KCNJ15: variants seen among roughly 807,000 people sequenced by gnomAD.
KCNJ15 encodes the protein ATP-sensitive inward rectifier potassium channel 15.
In KCNJ15, 14 loss-of-function variants were observed where a neutral mutation model predicts 23.0. The observed-to-expected ratio is 0.61, with a 90% confidence interval of 0.40 to 0.95. The LOEUF (loss-of-function observed/expected upper bound fraction) is 0.95, where lower values mean the gene tolerates loss of function less well. Ranked by LOEUF, KCNJ15 falls within the 40% of genes least tolerant of loss-of-function variation. KCNJ15 has a pLI of 0.00. For missense variants in KCNJ15, 388 were observed against 461.8 expected (o/e 0.84, Z 1.46); for synonymous variants, 185 against 183.2 (o/e 1.01, Z -0.08).
At chr21:38,289,055 G>A (rs751985542) in intron 1 of KCNJ15, among the ~76,000 whole-genome samples, 2 of 151,960 alleles carry the variant, frequency 1.3e-5, no homozygotes, top group Non-Finnish European at 2.9e-5. Flanking sequence ...AAATTAGCCG[G>A]GTATGGTGGT....
At chr21:38,256,380 A>ATAT (rs1555882102), upstream of KCNJ15, among the ~76,000 whole-genome samples, 3 of 136,064 alleles carry the variant, frequency 2.2e-5, no homozygotes, top group Admixed American at 7.1e-5. Flanking sequence ...ATATATATAT[A>ATAT]ATATTTATCA....
intron 1 of KCNJ15, among the ~76,000 whole-genome samples, chr21:38,287,320 T>C (rs1984015630): frequency 6.6e-6 from 1 of 152,106 alleles, no homozygotes; most frequent in African/African-American, 2.4e-5. Context: ...ATCTGGATTG[T>C]TTTTTTTCTT....
intron 1 of KCNJ15, among the ~76,000 whole-genome samples, chr21:38,258,004 A>G (rs572742875): frequency 6.6e-6 from 1 of 152,326 alleles, no homozygotes; most frequent in East Asian, 1.9e-4. Flanking sequence ...GGAAAACTAA[A>G]GACCAAAAAT....
chr21:38,235,174 C>T (rs904177789), intron 1 of KCNJ15, among the ~76,000 whole-genome samples: 19 of 152,252 alleles, frequency 1.2e-4, no homozygotes, highest in African/African-American at 4.6e-4. Context: ...TTGAAGCAGA[C>T]GTTTCTTTCC....
rs60094452 is a variant in KCNJ15, at chr21:38,305,080, CA to C, written c.*4708del. 9,939 of 97,724 alleles carry C rather than the reference CA, an allele frequency of 0.1. 1,034 individuals carry two copies. The highest frequency in any genetic ancestry group is 0.31 in the African/African-American group (8,362 of 27,272). The allele number at this position is 97,724 out of a possible 1,614,324, so 6.1% of individuals were successfully genotyped here. On this transcript the variant is annotated 3_prime_UTR_variant, in exon 3 of 3. Coordinates refer to ENST00000398938, the MANE Select transcript of KCNJ15 (RefSeq NM_170736.3). ...GGGCAACAAAAGTAAAACTCCGTCT[CA>C]AAAAAAAAAAAAAAAAGAAAAAGAA...
At chr21:38,265,917 A>G (rs748670527) in intron 1 of KCNJ15, among the ~76,000 whole-genome samples, 8 of 152,198 alleles carry the variant, frequency 5.3e-5, no homozygotes, top group Non-Finnish European at 1.2e-4. Context: ...GCCTTGCAGA[A>G]CAAGACGACT....
chr21:38,281,521 T>C (rs1173288636), intron 1 of KCNJ15, among the ~76,000 whole-genome samples: 2 of 152,166 alleles, frequency 1.3e-5, no homozygotes, highest in Non-Finnish European at 2.9e-5. Context: ...GAACATATGG[T>C]ATTTGGTTTT....
intron 1 of KCNJ15, among the ~76,000 whole-genome samples, chr21:38,231,087 A>C (rs1003965743): frequency 6.6e-6 from 1 of 152,040 alleles, no homozygotes; most frequent in African/African-American, 2.4e-5. Flanking sequence ...GTCTTTTAAA[A>C]TTTCTTTCAA....
chr21:38,292,834 T>C lies in KCNJ15; in HGVS notation c.-116-4092T>C, dbSNP rs541040491. On this transcript the variant is annotated intron_variant, in intron 1 of 2. Coordinates refer to ENST00000398938, the MANE Select transcript of KCNJ15 (RefSeq NM_170736.3). ...AAATACAAAAATTAGCCAGGCGTAA[T>C]GGCGGGTGCCTGTAATCCCAGCTGC... 3.9e-5 allele frequency among the ~76,000 whole-genome samples: 6 copies of C among 152,014 alleles called. No homozygotes were observed. In the South Asian group the frequency reaches 1.2e-3, roughly 32 times the overall value.
At chr21:38,297,258 C>T (rs571693492) in intron 2 of KCNJ15, among the ~76,000 whole-genome samples, 7 of 152,248 alleles carry the variant, frequency 4.6e-5, no homozygotes, top group African/African-American at 7.2e-5. Flanking sequence ...GCAGCAAAAG[C>T]GCTCTCAGCA....
intron 1 of KCNJ15, among the ~76,000 whole-genome samples, chr21:38,234,050 G>T (rs1978440952): frequency 6.6e-6 from 1 of 152,118 alleles, no homozygotes. Context: ...ACCAACAGTT[G>T]TCAGCTTCCT....
At chr21:38,230,917 A>T (rs759235160) in intron 1 of KCNJ15, among the ~76,000 whole-genome samples, 3 of 152,062 alleles carry the variant, frequency 2.0e-5, no homozygotes, top group Non-Finnish European at 2.9e-5. Flanking sequence ...TTGAATTCCC[A>T]TATACATTCT....
At chr21:38,233,186 T>G (rs1287923014) in intron 1 of KCNJ15, among the ~76,000 whole-genome samples, 1 of 152,044 alleles carries the variant, frequency 6.6e-6, no homozygotes, top group African/African-American at 2.4e-5. Flanking sequence ...ATTGGCCCTT[T>G]TATCATTATT....
At chr21:38,276,993 A>G (rs1387898425) in intron 1 of KCNJ15, among the ~76,000 whole-genome samples, 1 of 151,044 alleles carries the variant, frequency 6.6e-6, no homozygotes, top group African/African-American at 2.4e-5. Flanking sequence ...GTAATTGACA[A>G]TTACTATGGT....
At chr21:38,283,017 C>A (rs2032747219) in intron 1 of KCNJ15, among the ~76,000 whole-genome samples, 1 of 152,138 alleles carries the variant, frequency 6.6e-6, no homozygotes, top group Non-Finnish European at 1.5e-5. Flanking sequence ...AGGTATAGGG[C>A]AGGATATCTG....
intron 1 of KCNJ15, among the ~76,000 whole-genome samples, chr21:38,291,029 T>C (rs1446303325): frequency 8.0e-6 from 1 of 125,698 alleles, no homozygotes; most frequent in Non-Finnish European, 1.6e-5. Flanking sequence ...CACACACGTA[T>C]ATATAGCTAC....
rs1984096468 is a variant in KCNJ15, at chr21:38,288,018, G to GCTTTTTTCTTTT, written c.-116-8908_-116-8907insCTTTTTTCTTTT. Among the ~76,000 whole-genome samples, 6 of 26,028 alleles carry GCTTTTTTCTTTT rather than the reference G, an allele frequency of 2.3e-4. No individual in the cohort carries two copies. In the South Asian group the frequency reaches 9.1e-3, roughly 40 times the overall value. 17.1% of individuals were successfully genotyped at this position (26,028 alleles called of 152,430 possible). On this transcript the variant is annotated intron_variant, in intron 1 of 2. Coordinates refer to ENST00000398938, the MANE Select transcript of KCNJ15 (RefSeq NM_170736.3). The stretch of plus-strand genomic sequence containing the variant: ...CATTTGTCCCATTGTTAAATAACTT[G>GCTTTTTTCTTTT]TTTTTTTCTTTGTTTTTTTTTTTTT...
chr21:38,278,686 G>A (rs370756881), intron 1 of KCNJ15, among the ~76,000 whole-genome samples: 26 of 152,144 alleles, frequency 1.7e-4, no homozygotes, highest in African/African-American at 6.0e-4. Flanking sequence ...ACATGAGAAC[G>A]CTGGCCAAGA....
chr21:38,266,244 C>T (rs577406542), intron 1 of KCNJ15, among the ~76,000 whole-genome samples: 1 of 152,256 alleles, frequency 6.6e-6, no homozygotes, highest in Admixed American at 6.5e-5. Context: ...CCCATCAACC[C>T]GTCATCTACA....
Sources: gnomAD v4.1 joint callset for allele counts (sites outside exome capture counted in the v4.1 genomes callset) on GRCh38, gnomAD v4.1.1 for gene constraint, MANE v1.5 for transcripts, NCBI Gene and HGNC (gene_info 2026-07-23, HGNC 2026-07-21) for gene names.